The following MOGAT1 variants were observed in gnomAD, a reference collection of about 807,000 sequenced individuals.
MOGAT1 encodes monoacylglycerol O-acyltransferase 1.
Under a neutral mutation model 31.4 loss-of-function variants are expected in MOGAT1, and 32 were observed. The observed-to-expected ratio is 1.02, with a 90% CI of 0.77 to 1.37. MOGAT1 has a LOEUF of 1.37. Ranked by LOEUF, MOGAT1 falls within the 40% of genes most tolerant of loss-of-function variation. MOGAT1 has a pLI of 0.00. For missense variants in MOGAT1, 426 were observed against 402.0 expected, an observed-to-expected ratio of 1.06 and a Z score of -0.51; for synonymous variants, 145 against 144.5, an observed-to-expected ratio of 1.00 and a Z score of -0.03.
intron 1 of MOGAT1, chr2:222,678,306 T>C (rs1444391452): frequency 6.6e-6 from 1 of 152,276 alleles, no homozygotes; most frequent in Non-Finnish European, 1.5e-5. Context: ...GGTGTCTCGA[T>C]GTGGCTTTAA....
chr2:222,687,728 G>A (rs887096495), intron 1 of MOGAT1, among the ~76,000 whole-genome samples: 31 of 152,194 alleles, frequency 2.0e-4, no homozygotes, highest in Admixed American at 5.2e-4. Flanking sequence ...TTCTGTCTCT[G>A]ACAGTAGAGT....
At chr2:222,708,840 T>C (rs574252124) in intron 5 of MOGAT1, among the ~76,000 whole-genome samples, 4 of 152,362 alleles carry the variant, frequency 2.6e-5, no homozygotes, top group Admixed American at 1.3e-4. Context: ...CATATTTATA[T>C]TATTTCATTG....
At position 222,671,741 on chromosome 2, in the gene MOGAT1, G is replaced by A. The variant is rs535627830; in HGVS notation, c.-45G>A. 6 of 1,480,886 alleles carry A rather than the reference G, an allele frequency of 4.1e-6. No individual in the cohort carries two copies. The highest frequency in any genetic ancestry group is 2.5e-5 in the East Asian group (1 of 40,472). 91.7% of individuals were successfully genotyped at this position (1,480,886 alleles called of 1,614,324 possible). ...TCCCACAGGCGCCGCAGAGCAGCGTGGGTGCAGGCTGCAGTGGCTGGCGCC... is the reference window on the plus strand; with the variant it reads ...TCCCACAGGCGCCGCAGAGCAGCGTAGGTGCAGGCTGCAGTGGCTGGCGCC... On this transcript the variant is annotated 5_prime_UTR_variant, in exon 1 of 6. Transcript: ENST00000446656.
chr2:222,679,336 T>C (rs902490753), intron 1 of MOGAT1, among the ~76,000 whole-genome samples: 1 of 152,222 alleles, frequency 6.6e-6, no homozygotes, highest in African/African-American at 2.4e-5. Flanking sequence ...CTTCAAACTT[T>C]GTTGGTGGTA....
intron 5 of MOGAT1, among the ~76,000 whole-genome samples, chr2:222,708,785 A>G (rs1423594895): frequency 6.6e-6 from 1 of 152,110 alleles, no homozygotes; most frequent in East Asian, 1.9e-4. Context: ...TTATTTTTCC[A>G]CTTAATACAT....
At chr2:222,701,448 G>A (rs1363288215) in intron 5 of MOGAT1, among the ~76,000 whole-genome samples, 3 of 146,400 alleles carry the variant, frequency 2.0e-5, no homozygotes, top group Non-Finnish European at 3.0e-5. Context: ...GGAGAGAAAG[G>A]AAGGAAGGAA....
At chr2:222,701,496 G>A (rs1177811718) in intron 5 of MOGAT1, among the ~76,000 whole-genome samples, 2 of 145,522 alleles carry the variant, frequency 1.4e-5, no homozygotes, top group African/African-American at 5.1e-5. Flanking sequence ...AAGAGAGAGT[G>A]GGGAGGGATG....
chr2:222,695,099 G>C lies in MOGAT1; in HGVS notation c.664G>C (p.Val222Leu). 1 of 1,599,840 alleles carries C rather than the reference G, an allele frequency of 6.3e-7. No homozygotes were observed. Among genetic ancestry groups the C allele is most frequent in the Non-Finnish European group, 8.5e-7 (1 of 1,173,958 alleles). ...KIALTHGASL[V>L]PVVSFGENEL... ...CCTTTGTTATTGCAGCGCCTCTCTG[G>C]TCCCAGTGGTTTCTTTTGGTGAAAA... The change falls in exon 5 of 6, where the codon GTC becomes CTC. Residue 222 changes from valine to leucine, a missense_variant. By Grantham distance (32) the Val-to-Leu change is conservative. Coordinates refer to ENST00000446656, the MANE Select transcript of MOGAT1 (RefSeq NM_058165.3).
At chr2:222,701,492 G>A (rs1290939010) in intron 5 of MOGAT1, among the ~76,000 whole-genome samples, 12 of 146,302 alleles carry the variant, frequency 8.2e-5, no homozygotes, top group African/African-American at 3.0e-4. Flanking sequence ...AAGAAAGAGA[G>A]AGTGGGGAGG....
chr2:222,694,564 G>A (rs576438315), intron 4 of MOGAT1, 28 bp downstream of exon 4: 2 of 1,600,790 alleles, frequency 1.2e-6, no homozygotes, highest in African/African-American at 1.3e-5. Context: ...TAAAGTAGGG[G>A]GTCAGAAAAG....
chr2:222,674,156 C>T lies in MOGAT1; in HGVS notation c.94+2277C>T, dbSNP rs535992001. On this transcript the variant is annotated intron_variant, in intron 1 of 5. Coordinates refer to ENST00000446656, the MANE Select transcript of MOGAT1 (RefSeq NM_058165.3). ...TGACCGCATGTGAGTGGATTAGTGA[C>T]GAGGACATGGCAGATGCTCAATGAC... 3.2e-4 allele frequency among the ~76,000 whole-genome samples: 49 copies of T among 152,284 alleles called. No individual in the cohort carries two copies. In the South Asian group the frequency reaches 8.5e-3, roughly 26 times the overall value.
intron 5 of MOGAT1, among the ~76,000 whole-genome samples, chr2:222,701,299 G>GAGAGAGAGA (rs71053101): frequency 0.015 from 1,330 of 90,478 alleles, 30 homozygotes; most frequent in African/African-American, 0.038. Context: ...AGGAGGAGGA[G>GAGAGAGAGA]GAGAGAGAGA....
intron 1 of MOGAT1, among the ~76,000 whole-genome samples, chr2:222,685,043 A>G (rs977079546): frequency 1.3e-5 from 2 of 152,212 alleles, no homozygotes; most frequent in African/African-American, 4.8e-5. Flanking sequence ...TAAAAATAAC[A>G]TTGTAATACC....
At chr2:222,674,362 C>G (rs1462693100) in intron 1 of MOGAT1, among the ~76,000 whole-genome samples, 1 of 152,154 alleles carries the variant, frequency 6.6e-6, no homozygotes, top group African/African-American at 2.4e-5. Flanking sequence ...TTCCCATATA[C>G]CCATGACCTA....
At chr2:222,689,515 G>A (rs769323807) in intron 3 of MOGAT1, 46 bp downstream of exon 3, 1 of 1,551,098 alleles carries the variant, frequency 6.4e-7, no homozygotes, top group Non-Finnish European at 8.9e-7. Flanking sequence ...TGGGGTAGCA[G>A]GAGCACACAG....
intron 2 of MOGAT1, among the ~76,000 whole-genome samples, chr2:222,688,865 A>G (rs1392671678): frequency 2.6e-5 from 4 of 152,150 alleles, no homozygotes; most frequent in Non-Finnish European, 4.4e-5. Context: ...CAAGATAACA[A>G]ACCCACTTCT....
intron 4 of MOGAT1, 111 bp from the exon 5 acceptor site, chr2:222,694,978 T>C (rs1028548384): frequency 1.4e-6 from 1 of 723,376 alleles, no homozygotes; most frequent in South Asian, 2.4e-5. Flanking sequence ...TAGGAAGGCT[T>C]GGGCACATTT....
rs1559226188 is a variant in MOGAT1, at chr2:222,671,992, G to A, written c.94+113G>A. The A allele has an allele frequency of 4.7e-6, 4 of 845,492 alleles. No homozygotes were observed. The East Asian group carries it at 8.2e-5, about 17-fold the overall frequency. 52.4% of individuals were successfully genotyped at this position (845,492 alleles called of 1,614,324 possible). A position where few individuals can be genotyped will look rare whatever the true frequency, so the allele number is the denominator to read the frequency against. ...CCAACCCTCGTTCCCCTGTCGGCCA[G>A]AGCAGGCAGGTCAAAGAGGGCATTT... On this transcript the variant is annotated intron_variant, in intron 1 of 5. Coordinates refer to ENST00000446656, the MANE Select transcript of MOGAT1 (RefSeq NM_058165.3).
intron 1 of MOGAT1, among the ~76,000 whole-genome samples, chr2:222,683,394 C>T (rs1469927551): frequency 2.7e-5 from 4 of 149,344 alleles, no homozygotes; most frequent in African/African-American, 5.0e-5. Context: ...TCTTTAAAAT[C>T]GCTGGTTTTT....
Sources: allele counts gnomAD v4.1 joint callset (sites outside exome capture counted in the v4.1 genomes callset), GRCh38; gene constraint gnomAD v4.1.1; transcripts MANE v1.5; gene names NCBI Gene and HGNC (gene_info 2026-07-23, HGNC 2026-07-21).